The following CUL3 variants were observed in gnomAD, a reference collection of about 807,000 sequenced individuals.
The protein encoded by CUL3 is cullin-3.
Under a neutral mutation model 89.1 loss-of-function variants are expected in CUL3, and 19 were observed. The observed-to-expected ratio is 0.21, with a 90% confidence interval of 0.15 to 0.31. The LOEUF is 0.31. Ranked by LOEUF, CUL3 falls within the 10% of genes least tolerant of loss-of-function variation. The pLI is 1.00. For missense variants in CUL3, 469 were observed against 942.3 expected (o/e 0.50, Z 6.58); for synonymous variants, 351 against 308.4 (o/e 1.14, Z -1.45).
chr2:224,496,000 A>G, intron 12 of CUL3, 34 bp from the exon 13 acceptor site: 1 of 1,605,854 alleles, frequency 6.2e-7, no homozygotes, highest in Non-Finnish European at 8.5e-7. Context: ...AAACAAAGAC[A>G]CAATCATTTC....
intron 2 of CUL3, among the ~76,000 whole-genome samples, chr2:224,543,319 C>CA (rs1343391540): frequency 6.6e-6 from 1 of 151,992 alleles, no homozygotes; most frequent in African/African-American, 2.4e-5. Flanking sequence ...TACTGTCCAT[C>CA]AAAAAAATAC....
chr2:224,510,281 G>A (rs948237053), intron 6 of CUL3, among the ~76,000 whole-genome samples: 22 of 140,852 alleles, frequency 1.6e-4, no homozygotes, highest in African/African-American at 5.6e-4. Flanking sequence ...TAAAAAGGAA[G>A]CCTCTCTAGT....
intron 15 of CUL3, 182 bp from the exon 16 acceptor site, chr2:224,474,558 T>G (rs1324750042): frequency 1.8e-6 from 1 of 544,264 alleles, no homozygotes; most frequent in African/African-American, 1.9e-5. Flanking sequence ...TACAACACAC[T>G]TCCTCAAATC....
chr2:224,479,404 T>C (rs909670823), intron 14 of CUL3: 1 of 151,868 alleles, frequency 6.6e-6, no homozygotes, highest in African/African-American at 2.4e-5. Context: ...ATGATGCTTA[T>C]GATGCTTTTC....
intron 3 of CUL3, chr2:224,533,095 A>G (rs1408588052): frequency 2.0e-5 from 3 of 152,202 alleles, no homozygotes; most frequent in African/African-American, 7.2e-5. Context: ...CAAGCTGACT[A>G]AAGAAAAAGA....
intron 1 of CUL3, 27 bp from the exon 2 acceptor site, chr2:224,557,883 C>CAAAA (rs748754000): frequency 0.25 from 28,107 of 111,922 alleles, 5,378 homozygotes; most frequent in Admixed American, 0.32. Flanking sequence ...AGAGAAGAGA[C>CAAAA]AAAAAAAAAA....
intron 10 of CUL3, 140 bp from the exon 11 acceptor site, chr2:224,500,627 C>A: frequency 4.8e-5 from 19 of 395,666 alleles, no homozygotes; most frequent in Non-Finnish European, 6.7e-5. Context: ...ATTTTCTTTT[C>A]TTTTTTTTTT....
At chr2:224,582,174 C>G (rs1453310785) in intron 1 of CUL3, among the ~76,000 whole-genome samples, 1 of 152,104 alleles carries the variant, frequency 6.6e-6, no homozygotes, top group African/African-American at 2.4e-5. Context: ...CCATGTTGGC[C>G]CGGCTGGTCT....
chr2:224,501,840 C>T (rs147618400), intron 10 of CUL3, among the ~76,000 whole-genome samples: 6 of 152,142 alleles, frequency 3.9e-5, no homozygotes, highest in African/African-American at 1.4e-4. Context: ...TTCCCTATAG[C>T]TTTCAATGTG....
At chr2:224,541,510 T>A (rs970600412) in intron 2 of CUL3, among the ~76,000 whole-genome samples, 1 of 152,186 alleles carries the variant, frequency 6.6e-6, no homozygotes, top group African/African-American at 2.4e-5. Flanking sequence ...AGAAAACAGT[T>A]TGGCAGTTCT....
At chr2:224,539,572 G>C (rs1694018799) in intron 2 of CUL3, among the ~76,000 whole-genome samples, 1 of 152,162 alleles carries the variant, frequency 6.6e-6, no homozygotes, top group African/African-American at 2.4e-5. Context: ...CTGCAGATGA[G>C]TGGATTAATA....
intron 15 of CUL3, 27 bp downstream of exon 15, chr2:224,478,173 A>T (rs1318233706): frequency 1.3e-6 from 2 of 1,559,728 alleles, no homozygotes; most frequent in Admixed American, 3.8e-5. Flanking sequence ...TTTTTTCTAT[A>T]TTAGCCCAGT....
chr2:224,511,312 G>A (rs1445951612), intron 6 of CUL3, 42 bp downstream of exon 6: 29 of 1,375,024 alleles, frequency 2.1e-5, no homozygotes, highest in Non-Finnish European at 2.8e-5. Context: ...TATCGATAAG[G>A]CAGAGTAAGG....
At chr2:224,515,289 AC>A in intron 3 of CUL3, among the ~76,000 whole-genome samples, 1 of 152,388 alleles carries the variant, frequency 6.6e-6, no homozygotes, top group South Asian at 2.1e-4. Context: ...ACTTACTGTC[AC>A]TTCAAACAGA....
chr2:224,501,190 T>A (rs183264686), intron 10 of CUL3, among the ~76,000 whole-genome samples: 13 of 152,344 alleles, frequency 8.5e-5, no homozygotes, highest in African/African-American at 3.1e-4. Context: ...ATATTTTTAC[T>A]ATCTTAATAC....
chr2:224,570,097 T>C (rs1695149660), intron 1 of CUL3, among the ~76,000 whole-genome samples: 1 of 152,048 alleles, frequency 6.6e-6, no homozygotes, highest in Non-Finnish European at 1.5e-5. Flanking sequence ...ATAAGGTCTT[T>C]ATGTTATTGT....
chr2:224,547,448 G>A (rs1694347086), intron 2 of CUL3, among the ~76,000 whole-genome samples: 1 of 152,046 alleles, frequency 6.6e-6, no homozygotes, highest in African/African-American at 2.4e-5. Context: ...CTCACATGAT[G>A]AATCTTGAGT....
At chr2:224,505,091 C>T (rs1203066092) in intron 8 of CUL3, among the ~76,000 whole-genome samples, 1 of 150,582 alleles carries the variant, frequency 6.6e-6, no homozygotes, top group Non-Finnish European at 1.5e-5. Flanking sequence ...GCCTAACTCT[C>T]AGTCATAAAA....
intron 2 of CUL3, among the ~76,000 whole-genome samples, chr2:224,545,850 T>C (rs1005055017): frequency 6.6e-6 from 1 of 152,198 alleles, no homozygotes; most frequent in Non-Finnish European, 1.5e-5. Context: ...CAATACACTT[T>C]CACAATTTCA....
Sources: gnomAD v4.1 joint callset for allele counts (sites outside exome capture counted in the v4.1 genomes callset) on GRCh38, gnomAD v4.1.1 for gene constraint, MANE v1.5 for transcripts, NCBI Gene and HGNC (gene_info 2026-07-23, HGNC 2026-07-21) for gene names.